KDM4B: variants seen among roughly 807,000 people sequenced by gnomAD.
KDM4B encodes lysine-specific demethylase 4B.
Under a neutral mutation model 125.2 loss-of-function variants are expected in KDM4B, and 32 were observed. That is an observed-to-expected ratio of 0.26 (90% CI 0.19 to 0.34). The LOEUF is 0.34. Ranked by LOEUF, KDM4B falls within the 10% of genes least tolerant of loss-of-function variation. The pLI is 1.00. For missense variants in KDM4B, 1,190 were observed against 1,577.7 expected (o/e 0.75, Z 4.16); for synonymous variants, 721 against 677.9 (o/e 1.06, Z -0.99).
intron 2 of KDM4B, among the ~76,000 whole-genome samples, chr19:5,031,486 A>G (rs2036455462): frequency 6.6e-6 from 1 of 152,208 alleles, no homozygotes; most frequent in South Asian, 2.1e-4. Context: ...GCACAGAGCA[A>G]GGGTGGCGGG....
intron 2 of KDM4B, among the ~76,000 whole-genome samples, chr19:5,019,912 G>T (rs1599429413): frequency 6.8e-6 from 1 of 146,966 alleles, no homozygotes; most frequent in Middle Eastern, 4.1e-3. Flanking sequence ...GCAGGTGTTG[G>T]TGTGGATGTT....
At chr19:4,977,149 AG>A (rs1287973549) in intron 1 of KDM4B, among the ~76,000 whole-genome samples, 1 of 151,490 alleles carries the variant, frequency 6.6e-6, no homozygotes, top group Non-Finnish European at 1.5e-5. Context: ...AGCAAACACG[AG>A]GGGATGGATG....
intron 9 of KDM4B, among the ~76,000 whole-genome samples, chr19:5,097,347 A>G (rs2038848038): frequency 6.6e-6 from 1 of 152,108 alleles, no homozygotes; most frequent in Non-Finnish European, 1.5e-5. Flanking sequence ...ACCTCCTGAG[A>G]TCAAGCAATC....
Position 4,981,882 on chromosome 19 carries a change from G to A in KDM4B, c.-109+12652G>A, listed in dbSNP as rs190637488. ...AGACCCCATGGCAGGGGGCGGTCAC[G>A]TAACTAAACACTACCAAGTGTCATG... On this transcript the variant is annotated intron_variant, in intron 1 of 22. Transcript: ENST00000159111. 4.1e-3 allele frequency among the ~76,000 whole-genome samples: 628 copies of A among 152,318 alleles called. 3 individuals are homozygous for A. The highest frequency in any genetic ancestry group is 6.8e-3 in the Middle Eastern group (2 of 294).
intron 4 of KDM4B, among the ~76,000 whole-genome samples, chr19:5,040,893 G>T (rs2036792100): frequency 6.6e-6 from 1 of 152,250 alleles, no homozygotes; most frequent in African/African-American, 2.4e-5. Flanking sequence ...CGTGTGTTCT[G>T]ATGTGGGTGC....
At chr19:5,129,757 T>C (rs2146049678) in intron 11 of KDM4B, among the ~76,000 whole-genome samples, 1 of 152,320 alleles carries the variant, frequency 6.6e-6, no homozygotes, top group African/African-American at 2.4e-5. Context: ...GGTGGGGGCC[T>C]GAGCCCCTGT....
At chr19:4,984,049 G>A (rs2034743401) in intron 1 of KDM4B, among the ~76,000 whole-genome samples, 1 of 152,242 alleles carries the variant, frequency 6.6e-6, no homozygotes, top group African/African-American at 2.4e-5. Flanking sequence ...CACAGCTGGG[G>A]ACATTTGTGA....
chr19:5,069,896 C>T (rs1414513089), intron 6 of KDM4B, among the ~76,000 whole-genome samples: 3 of 152,168 alleles, frequency 2.0e-5, no homozygotes, highest in Admixed American at 1.3e-4. Context: ...CATGAGCCAC[C>T]GCGCCTGGCT....
chr19:5,083,493 G>A (rs2038369897), intron 9 of KDM4B, among the ~76,000 whole-genome samples: 1 of 152,176 alleles, frequency 6.6e-6, no homozygotes, highest in Admixed American at 6.5e-5. Flanking sequence ...TGCCTGTCTG[G>A]AGCTGGGGGC....
intron 9 of KDM4B, among the ~76,000 whole-genome samples, chr19:5,103,755 C>G (rs1191580102): frequency 6.6e-6 from 1 of 152,174 alleles, no homozygotes; most frequent in Non-Finnish European, 1.5e-5. Flanking sequence ...GTCAGGAGGG[C>G]CTGTGTTGGA....
At chr19:5,132,759 G>A (rs565010306) in intron 13 of KDM4B, among the ~76,000 whole-genome samples, 7 of 152,128 alleles carry the variant, frequency 4.6e-5, no homozygotes, top group Admixed American at 1.3e-4. Context: ...TGGTGAGACC[G>A]GAGCATTTGC....
intron 7 of KDM4B, among the ~76,000 whole-genome samples, chr19:5,073,682 C>T (rs978102296): frequency 1.3e-5 from 2 of 152,236 alleles, no homozygotes; most frequent in African/African-American, 4.8e-5. Context: ...GGAATGTGAC[C>T]AGTTCTACCC....
chr19:5,014,493 GTCCGA>G, intron 1 of KDM4B, among the ~76,000 whole-genome samples: 1 of 152,040 alleles, frequency 6.6e-6, no homozygotes, highest in Admixed American at 6.6e-5. Flanking sequence ...AGCCAGGATG[GTCCGA>G]TCTCCTGACC....
intron 6 of KDM4B, among the ~76,000 whole-genome samples, chr19:5,052,162 A>G (rs565765611): frequency 5.9e-5 from 9 of 152,204 alleles, no homozygotes; most frequent in Non-Finnish European, 7.4e-5. Flanking sequence ...TGATTCAGCT[A>G]CACCTTGAGT....
intron 4 of KDM4B, among the ~76,000 whole-genome samples, chr19:5,040,922 A>AG (rs1197023098): frequency 6.6e-5 from 10 of 152,296 alleles, no homozygotes; most frequent in African/African-American, 1.9e-4. Flanking sequence ...AGGATAACTG[A>AG]GGAGGGGTAC....
chr19:5,063,292 G>A (rs2037663034), intron 6 of KDM4B, among the ~76,000 whole-genome samples: 2 of 152,158 alleles, frequency 1.3e-5, no homozygotes, highest in Non-Finnish European at 2.9e-5. Flanking sequence ...TTACATCCAC[G>A]TGGGACTGGC....
chr19:4,992,186 GT>G (rs1366449822), intron 1 of KDM4B, among the ~76,000 whole-genome samples: 1 of 152,086 alleles, frequency 6.6e-6, no homozygotes, highest in Non-Finnish European at 1.5e-5. Context: ...ATAACAAAAT[GT>G]CACGAAGACA....
rs1259688174 is a variant in KDM4B at position 5,115,156 on chromosome 19, C to T, written c.1115+4338C>T. Among the ~76,000 whole-genome samples, 1 of 152,164 alleles carries T rather than the reference C, an allele frequency of 6.6e-6. No individual in the cohort carries two copies. The highest frequency in any genetic ancestry group is 1.5e-5 in the Non-Finnish European group (1 of 68,030). On this transcript the variant is annotated intron_variant, in intron 10 of 22. Transcript: ENST00000159111. The surrounding 1 kb of genome is among the most constrained non-coding windows in gnomAD (Gnocchi z 4.2). Reference sequence around the variant, plus strand: ...CCAGCAGGGAGCAGCTGGGCTGCACCATGGGGCCACAGAAAGACACAGTGG... The same window carrying T: ...CCAGCAGGGAGCAGCTGGGCTGCACTATGGGGCCACAGAAAGACACAGTGG...
rs866363258 is a variant in KDM4B at position 5,101,023 on chromosome 19, C to T, written c.919-9599C>T. 1.1e-4 allele frequency among the ~76,000 whole-genome samples: 17 copies of T among 151,088 alleles called. No homozygotes were observed. In the South Asian group the frequency reaches 1.9e-3, roughly 17 times the overall value. On this transcript the variant is annotated intron_variant, in intron 9 of 22. Transcript: ENST00000159111. ...ATCACCTGAGGTCAGGAGTTCAAGA[C>T]CAGCCTGGCCAACATGGTGAAACCC...
Sources: allele counts gnomAD v4.1 joint callset (sites outside exome capture counted in the v4.1 genomes callset), GRCh38; gene constraint gnomAD v4.1.1; non-coding constraint Gnocchi (gnomAD v3.1); transcripts MANE v1.5; gene names NCBI Gene and HGNC (gene_info 2026-07-23, HGNC 2026-07-21).